Variants in BAZ1A observed in about 807,000 individuals in gnomAD.
BAZ1A encodes the protein bromodomain adjacent to zinc finger domain 1A.
Under a neutral mutation model 185.2 loss-of-function variants are expected in BAZ1A, and 50 were observed. The ratio of observed to expected loss-of-function variants is 0.27; its 90% CI spans 0.22 to 0.34. The LOEUF (loss-of-function observed/expected upper bound fraction) is 0.34, where lower values mean the gene tolerates loss of function less well. BAZ1A is among the 10% of genes least tolerant of loss of function. The pLI is 1.00. For synonymous variants in BAZ1A, 571 were observed against 615.6 expected (o/e 0.93, Z 1.07); for missense variants, 1,356 against 1,839.9 (o/e 0.74, Z 4.81).
In BAZ1A at chr14:34,765,075, A is replaced by G; in HGVS notation, c.3495T>C (p.Leu1165=). ...GATGACCCCTATCACAGCCATCACA[A>G]AGAACCATGTTTTCAGCATCGCCTT... ...RKKGDAENMV[L]CDGCDRGHHT... Residue 1165 remains leucine, a synonymous_variant, in exon 22 of 27, where the codon CTT becomes CTC. Transcript: ENST00000360310. 1 of 1,614,200 alleles carries G rather than the reference A, an allele frequency of 6.2e-7. No individual in the cohort carries two copies. Among genetic ancestry groups the G allele is most frequent in the Non-Finnish European group, 8.5e-7 (1 of 1,180,022 alleles).
In BAZ1A at chr14:34,862,138, G is replaced by A. The variant is rs572132869; in HGVS notation, c.298C>T (p.Arg100Cys). 15 of 1,614,076 alleles carry A rather than the reference G, an allele frequency of 9.3e-6. No individual in the cohort carries two copies. Among genetic ancestry groups the A allele is most frequent in the South Asian group, 5.5e-5 (5 of 91,082 alleles). The stretch of plus-strand genomic sequence containing the variant: ...ATATCATCACAAATTTCATGTAAGC[G>A]CGAACGATGGGTAAGGCTGGTCAAG... ...LYLTSLTHRSRLHEICDDIFA... is the reference protein window; with the variant it reads ...LYLTSLTHRSCLHEICDDIFA... Residue 100 changes from arginine (R) to cysteine (C), a missense_variant, in exon 3 of 27, where the codon CGC becomes TGC. Transcript: ENST00000360310.
intron 2 of BAZ1A, among the ~76,000 whole-genome samples, chr14:34,866,986 A>C (rs1271338749): frequency 6.6e-6 from 1 of 150,722 alleles, no homozygotes; most frequent in Admixed American, 6.6e-5. Context: ...TCCGCCGGGC[A>C]TGGTGGCTCA....
intron 3 of BAZ1A, among the ~76,000 whole-genome samples, chr14:34,846,822 C>T (rs370136169): frequency 9.2e-5 from 14 of 152,162 alleles, no homozygotes; most frequent in African/African-American, 3.1e-4. Context: ...ACTTAGATTC[C>T]AGAGAAAGAA....
intron 4 of BAZ1A, among the ~76,000 whole-genome samples, chr14:34,823,183 C>G (rs10137511): frequency 0.6 from 91,569 of 151,696 alleles, 27,739 homozygotes; most frequent in South Asian, 0.68. Context: ...GTGAAACCCA[C>G]TCTCTACTAA....
At chr14:34,772,215 A>C (rs1879272196) in intron 20 of BAZ1A, among the ~76,000 whole-genome samples, 1 of 152,016 alleles carries the variant, frequency 6.6e-6, no homozygotes, top group Non-Finnish European at 1.5e-5. Flanking sequence ...CAGCCTCCCA[A>C]AGTGCTGGGA....
intron 3 of BAZ1A, among the ~76,000 whole-genome samples, chr14:34,830,674 G>T (rs558555162): frequency 6.6e-6 from 1 of 151,070 alleles, no homozygotes; most frequent in African/African-American, 2.4e-5. Context: ...TCTCAATAAA[G>T]TCATTAAAAA....
intron 24 of BAZ1A, among the ~76,000 whole-genome samples, chr14:34,760,436 C>T (rs985104646): frequency 1.3e-5 from 2 of 150,720 alleles, no homozygotes; most frequent in Non-Finnish European, 2.9e-5. Context: ...AATCCTGCTG[C>T]GTATCCGAAT....
chr14:34,791,150 A>AGAGAAGAGAC (rs1880822802), intron 12 of BAZ1A, among the ~76,000 whole-genome samples: 1 of 151,804 alleles, frequency 6.6e-6, no homozygotes, highest in South Asian at 2.1e-4. Context: ...AGAAGAGAAA[A>AGAGAAGAGAC]GAGAAGAGAA....
intron 6 of BAZ1A, among the ~76,000 whole-genome samples, chr14:34,807,010 C>T (rs966083803): frequency 1.3e-5 from 2 of 150,436 alleles, no homozygotes; most frequent in Non-Finnish European, 2.9e-5. Context: ...ACACTTTGGC[C>T]TCGTGAAGTG....
chr14:34,753,855 A>C, intron 26 of BAZ1A, 151 bp from the exon 27 acceptor site: 2 of 628,672 alleles, frequency 3.2e-6, no homozygotes, highest in Non-Finnish European at 5.0e-6. Flanking sequence ...ATGGTGGCTC[A>C]CATCTGTAAT....
chr14:34,829,267 GAAAAAAAAAAAA>G (rs60176426), intron 3 of BAZ1A, among the ~76,000 whole-genome samples: 8 of 86,474 alleles, frequency 9.3e-5, no homozygotes, highest in East Asian at 3.4e-4. Context: ...CTCTGTCTCT[GAAAAAAAAAAAA>G]AAAAAAAAAA....
chr14:34,845,881 A>G (rs1234835702), intron 3 of BAZ1A, among the ~76,000 whole-genome samples: 2 of 147,272 alleles, frequency 1.4e-5, no homozygotes, highest in Non-Finnish European at 3.0e-5. Context: ...AAAAAAAAAG[A>G]AAAGAAAACT....
chr14:34,754,417 C>CAAAAAAAAAAAAAAAAA, intron 26 of BAZ1A, among the ~76,000 whole-genome samples: 1 of 104,888 alleles, frequency 9.5e-6, no homozygotes, highest in Non-Finnish European at 1.9e-5. Context: ...AGACGTATCT[C>CAAAAAAAAAAAAAAAAA]AAAAAAAAAA....
rs769116348 is a variant in BAZ1A, at chr14:34,774,333, G to A, written c.2991C>T (p.Ala997=). 6.2e-7 allele frequency: 1 copy of A among 1,604,488 alleles called. No individual in the cohort carries two copies. Among genetic ancestry groups the A allele is most frequent in the Non-Finnish European group, 8.5e-7 (1 of 1,177,414 alleles). Residue 997 remains alanine, a synonymous_variant, in exon 19 of 27, where the codon GCC becomes GCT. Coordinates refer to ENST00000360310, the MANE Select transcript of BAZ1A (RefSeq NM_013448.3). Reference sequence around the variant, plus strand: ...AATGGGAACAAGTACAAACCTTGATGGCTCCTAATGTTCCTTGGTAGATTC... The same window carrying A: ...AATGGGAACAAGTACAAACCTTGATAGCTCCTAATGTTCCTTGGTAGATTC... ...EDRIYQGTLG[A]IKVTDRHIWR... is the part of the protein sequence containing the mutation.
rs10635851 is a variant in BAZ1A, at chr14:34,866,961, T to TAAA, written c.114-4642_114-4640dup. Among the ~76,000 whole-genome samples the TAAA allele has an allele frequency of 4.2e-3, 622 of 148,258 alleles. 5 individuals are homozygous for TAAA. The highest frequency in any genetic ancestry group is 0.014 in the African/African-American group (572 of 40,384). On this transcript the variant is annotated intron_variant, in intron 2 of 26. Transcript: ENST00000360310. The stretch of plus-strand genomic sequence containing the variant: ...AAGATACTTTACTTACATTCTTCTT[T>TAAA]AAAAAAAAAAAAAATCCGCCGGGCA...
intron 25 of BAZ1A, among the ~76,000 whole-genome samples, 198 bp from the exon 26 acceptor site, chr14:34,755,112 G>A (rs939815729): frequency 5.3e-5 from 8 of 151,214 alleles, no homozygotes; most frequent in Non-Finnish European, 8.8e-5. Context: ...TATAGATATC[G>A]CGCTCTCTCT....
chr14:34,794,983 A>T, intron 10 of BAZ1A, 96 bp from the exon 11 acceptor site: 1 of 1,464,752 alleles, frequency 6.8e-7, no homozygotes, highest in Non-Finnish European at 9.1e-7. Context: ...ATTAAGAAGT[A>T]TTATTTGTAA....
At chr14:34,761,576 ATAATT>A (rs1693944569) in intron 24 of BAZ1A, among the ~76,000 whole-genome samples, 176 bp downstream of exon 24, 1 of 152,214 alleles carries the variant, frequency 6.6e-6, no homozygotes, top group South Asian at 2.1e-4. Context: ...TATTAGTAAT[ATAATT>A]TATTCATTAA....
At chr14:34,864,472 C>T (rs2042822268) in intron 2 of BAZ1A, among the ~76,000 whole-genome samples, 3 of 150,620 alleles carry the variant, frequency 2.0e-5, no homozygotes, top group Admixed American at 2.0e-4. Flanking sequence ...GAGCATTACT[C>T]ATATATCATT....
Sources: allele counts gnomAD v4.1 joint callset (sites outside exome capture counted in the v4.1 genomes callset), GRCh38; gene constraint gnomAD v4.1.1; transcripts MANE v1.5; gene names NCBI Gene and HGNC (gene_info 2026-07-23, HGNC 2026-07-21).